NUCB2: variants seen among roughly 807,000 people sequenced by gnomAD.
The protein encoded by NUCB2 is nucleobindin-2.
NUCB2 carries 48 observed loss-of-function variants against 57.9 expected under a neutral mutation model. That is an observed-to-expected ratio of 0.83 (90% CI 0.66 to 1.05). The LOEUF (loss-of-function observed/expected upper bound fraction) is 1.05, where lower values mean the gene tolerates loss of function less well. NUCB2 is among the 50% of genes least tolerant of loss of function. NUCB2 has a pLI of 0.00. For missense variants in NUCB2, 442 were observed against 476.2 expected, an observed-to-expected ratio of 0.93 and a Z score of 0.67; for synonymous variants, 139 against 152.1, an observed-to-expected ratio of 0.91 and a Z score of 0.64.
At chr11:17,345,235 TAAAG>T (rs1158182956) in intron 2 of NUCB2, among the ~76,000 whole-genome samples, 1 of 152,138 alleles carries the variant, frequency 6.6e-6, no homozygotes, top group East Asian at 1.9e-4. Context: ...TTTTTTTAAA[TAAAG>T]AAAACCAGTG....
intron 3 of NUCB2, 177 bp downstream of exon 3, chr11:17,295,644 A>C: frequency 3.4e-6 from 2 of 588,258 alleles, no homozygotes; most frequent in Non-Finnish European, 5.9e-6. Flanking sequence ...TATTTCTGAA[A>C]TAGCAGTGAA....
At chr11:17,325,635 C>G (rs559778790) in intron 11 of NUCB2, among the ~76,000 whole-genome samples, 4 of 152,124 alleles carry the variant, frequency 2.6e-5, no homozygotes, top group African/African-American at 9.7e-5. Flanking sequence ...TTCAGATGCT[C>G]TATGTCTTGA....
chr11:17,289,326 T>C (rs1280470524), intron 2 of NUCB2, among the ~76,000 whole-genome samples: 2 of 152,150 alleles, frequency 1.3e-5, no homozygotes, highest in African/African-American at 4.8e-5. Flanking sequence ...TTTACAAGCT[T>C]GGTGCTGGTG....
chr11:17,300,117 TCTC>T (rs1338199796), intron 4 of NUCB2, among the ~76,000 whole-genome samples: 1 of 152,028 alleles, frequency 6.6e-6, no homozygotes, highest in African/African-American at 2.4e-5. Flanking sequence ...CTGACACGAT[TCTC>T]CTATCTCAGC....
intron 5 of NUCB2, among the ~76,000 whole-genome samples, chr11:17,306,168 A>G (rs144836207): frequency 5.2e-4 from 79 of 152,272 alleles, no homozygotes; most frequent in African/African-American, 1.8e-3. Context: ...AGATCTTTCA[A>G]GCTGGTTCAT....
intron 2 of NUCB2, among the ~76,000 whole-genome samples, chr11:17,345,614 G>C (rs1425078086): frequency 1.3e-5 from 2 of 152,182 alleles, no homozygotes; most frequent in Non-Finnish European, 2.9e-5. Context: ...GGCTGAGGCA[G>C]GAGAATCACT....
chr11:17,305,703 C>T (rs2138749899), intron 5 of NUCB2, among the ~76,000 whole-genome samples: 1 of 152,094 alleles, frequency 6.6e-6, no homozygotes, highest in South Asian at 2.1e-4. Context: ...CTCATTGCAG[C>T]CTCAGACTCC....
chr11:17,344,675 C>G (rs1219586362), intron 2 of NUCB2, among the ~76,000 whole-genome samples: 5 of 152,134 alleles, frequency 3.3e-5, no homozygotes, highest in African/African-American at 7.2e-5. Flanking sequence ...TCTAAGGAAG[C>G]CTTTTGTATT....
At chr11:17,340,371 A>G (rs1952155956) in intron 2 of NUCB2, among the ~76,000 whole-genome samples, 4 of 152,198 alleles carry the variant, frequency 2.6e-5, no homozygotes, top group Admixed American at 2.6e-4. Context: ...CCATTTGTCA[A>G]TTTTGGCTTT....
chr11:17,294,705 A>G (rs1054491386), intron 2 of NUCB2, among the ~76,000 whole-genome samples: 1 of 147,760 alleles, frequency 6.8e-6, no homozygotes, highest in Admixed American at 6.9e-5. Context: ...AAAAAAAGCC[A>G]TGGCTAGATT....
intron 2 of NUCB2, among the ~76,000 whole-genome samples, chr11:17,346,339 T>G (rs990570524): frequency 2.6e-5 from 4 of 152,158 alleles, no homozygotes; most frequent in African/African-American, 9.7e-5. Flanking sequence ...CATCTCCAGG[T>G]GATTCTAATA....
At chr11:17,333,939 G>C (rs569436478), downstream of NUCB2, 1 of 152,234 alleles carries the variant, frequency 6.6e-6, no homozygotes, top group Admixed American at 6.5e-5. Context: ...GTAGGGCTTT[G>C]CTGAAAAGAG....
rs183195269 is a variant in NUCB2, at chr11:17,301,725, T to C, written c.253-19T>C. ...ATGGAATGTAATAGATAAAACTAAC[T>C]TACTAATTTTGTTAACAGAGTGGGA... On this transcript the variant is annotated intron_variant, in intron 4 of 13. Transcript: ENST00000529010. 1.9e-6 allele frequency: 3 copies of C among 1,594,832 alleles called. No homozygotes were observed. The highest frequency in any genetic ancestry group is 2.7e-5 in the African/African-American group (2 of 74,606).
intron 1 of NUCB2, among the ~76,000 whole-genome samples, chr11:17,279,751 A>G (rs889931979): frequency 6.7e-6 from 1 of 148,956 alleles, no homozygotes; most frequent in Non-Finnish European, 1.5e-5. Context: ...TTCAGATAGT[A>G]GTTACTTGAT....
intron 11 of NUCB2, among the ~76,000 whole-genome samples, chr11:17,320,940 A>AT (rs547121190): frequency 4.6e-5 from 7 of 151,542 alleles, no homozygotes; most frequent in Admixed American, 2.6e-4. Context: ...TTTTTTCTTT[A>AT]TTTTTTTTAA....
chr11:17,333,087 C>A (rs896666721), downstream of NUCB2: 1 of 152,138 alleles, frequency 6.6e-6, no homozygotes, highest in African/African-American at 2.4e-5. Flanking sequence ...TTTGAAAGTA[C>A]CACTTGGCAA....
rs183693447 is a variant in NUCB2 at position 17,326,257 on chromosome 11, C to G, written c.1003-3870C>G. 4.6e-3 allele frequency among the ~76,000 whole-genome samples: 702 copies of G among 151,002 alleles called. 15 individuals carry two copies. Among genetic ancestry groups the G allele is most frequent in the East Asian group, 8.8e-3 (45 of 5,140 alleles). ...TAAGGTGATCTGCCTGCCTCAGCCT[C>G]CCAAAGTGCTGGGATTACAGGCGTG... On this transcript the variant is annotated intron_variant, in intron 11 of 13. Transcript: ENST00000529010.
At chr11:17,331,390 A>C (rs748593175) in intron 13 of NUCB2, 22 bp from the exon 14 acceptor site, 1 of 1,402,222 alleles carries the variant, frequency 7.1e-7, no homozygotes, top group South Asian at 1.7e-5. Context: ...TAAAATAAGA[A>C]CTTTTTTCTT....
At chr11:17,298,710 T>C (rs1208596053) in intron 4 of NUCB2, among the ~76,000 whole-genome samples, 1 of 151,994 alleles carries the variant, frequency 6.6e-6, no homozygotes, top group African/African-American at 2.4e-5. Flanking sequence ...CTTTTTTTTT[T>C]TGTTTTGGGA....
Sources: gnomAD v4.1 joint callset for allele counts (sites outside exome capture counted in the v4.1 genomes callset) on GRCh38, gnomAD v4.1.1 for gene constraint, MANE v1.5 for transcripts, NCBI Gene and HGNC (gene_info 2026-07-23, HGNC 2026-07-21) for gene names.